Variants in FHIT observed in about 807,000 individuals in gnomAD.
The protein encoded by FHIT is fragile histidine triad diadenosine triphosphatase.
Under a neutral mutation model 17.9 loss-of-function variants are expected in FHIT, and 19 were observed. That is an observed-to-expected ratio of 1.06 (90% CI 0.74 to 1.56). The LOEUF is 1.56. Ranked by LOEUF, FHIT falls within the 40% of genes most tolerant of loss-of-function variation. The probability of loss-of-function intolerance (pLI) is 0.00; values close to 1 mark genes in which losing one functional copy is unlikely to be tolerated. For missense variants in FHIT, 248 were observed against 189.2 expected (o/e 1.31, Z -1.82); for synonymous variants, 81 against 69.7 (o/e 1.16, Z -0.81).
intron 5 of FHIT, among the ~76,000 whole-genome samples, chr3:60,294,376 CCCT>C (rs1369967149): frequency 6.6e-6 from 1 of 152,084 alleles, no homozygotes; most frequent in Non-Finnish European, 1.5e-5. Context: ...CATTTGAAAG[CCCT>C]CCAGAGGAAC....
At chr3:60,538,516 C>T (rs1351682839) in intron 4 of FHIT, among the ~76,000 whole-genome samples, 4 of 152,136 alleles carry the variant, frequency 2.6e-5, no homozygotes, top group Non-Finnish European at 5.9e-5. Flanking sequence ...AAGCTGGAGG[C>T]ATCATGCTAC....
At chr3:60,853,144 A>G (rs1481079676) in intron 3 of FHIT, among the ~76,000 whole-genome samples, 1 of 152,024 alleles carries the variant, frequency 6.6e-6, no homozygotes, top group Non-Finnish European at 1.5e-5. Context: ...GTTTTCCACA[A>G]AACTCCAACT....
At chr3:60,298,641 C>A (rs1708315613) in intron 5 of FHIT, among the ~76,000 whole-genome samples, 1 of 152,126 alleles carries the variant, frequency 6.6e-6, no homozygotes, top group Admixed American at 6.6e-5. Context: ...ACATTCTCTT[C>A]CTTTTATAGT....
intron 4 of FHIT, among the ~76,000 whole-genome samples, chr3:60,652,687 C>T (rs1404132293): frequency 1.4e-5 from 2 of 141,744 alleles, no homozygotes; most frequent in African/African-American, 5.4e-5. Flanking sequence ...GAGATTGTGC[C>T]ACTGCACTCC....
At chr3:59,846,231 TA>T (rs1183947009) in intron 8 of FHIT, among the ~76,000 whole-genome samples, 2 of 152,154 alleles carry the variant, frequency 1.3e-5, no homozygotes, top group Non-Finnish European at 2.9e-5. Context: ...ATGAAATGAT[TA>T]AATTCCTTTT....
intron 8 of FHIT, among the ~76,000 whole-genome samples, chr3:59,768,616 C>T (rs947245058): frequency 2.1e-4 from 31 of 148,788 alleles, no homozygotes; most frequent in African/African-American, 8.1e-4. Context: ...CTTTGACTTC[C>T]CAGACATCAA....
At chr3:60,398,924 T>C (rs1488993901) in intron 5 of FHIT, among the ~76,000 whole-genome samples, 1 of 152,146 alleles carries the variant, frequency 6.6e-6, no homozygotes, top group East Asian at 1.9e-4. Context: ...ACATGTAATC[T>C]TAAAAATAAG....
At chr3:60,427,243 G>A (rs1479888846) in intron 5 of FHIT, among the ~76,000 whole-genome samples, 1 of 152,112 alleles carries the variant, frequency 6.6e-6, no homozygotes, top group Non-Finnish European at 1.5e-5. Flanking sequence ...CAGCTTCTAG[G>A]AGCTGAGAAT....
intron 4 of FHIT, among the ~76,000 whole-genome samples, chr3:60,597,846 A>T (rs1466466747): frequency 6.6e-6 from 1 of 152,170 alleles, no homozygotes; most frequent in Non-Finnish European, 1.5e-5. Flanking sequence ...GAAGCTAAGC[A>T]GCTGAGAGAT....
intron 2 of FHIT, among the ~76,000 whole-genome samples, chr3:61,110,277 T>C (rs1484506200): frequency 6.6e-6 from 1 of 152,126 alleles, no homozygotes; most frequent in Non-Finnish European, 1.5e-5. Flanking sequence ...TATGTTTCCA[T>C]CCCAAGACCT....
At position 60,955,633 on chromosome 3, in the gene FHIT, T is replaced by TATATATATAC. The variant is rs1272864632; in HGVS notation, c.-111+86413_-111+86414insGTATATATAT. 4.2e-3 allele frequency among the ~76,000 whole-genome samples: 164 copies of TATATATATAC among 39,402 alleles called. 1 individual carries two copies. Among genetic ancestry groups the TATATATATAC allele is most frequent in the African/African-American group, 0.012 (153 of 12,344 alleles). 25.8% of individuals were successfully genotyped at this position (39,402 alleles called of 152,430 possible). On this transcript the variant is annotated intron_variant, in intron 3 of 9. Transcript: ENST00000492590. ...ATATATATATATATATATATATATA[T>TATATATATAC]ACACACACACACATATATACATGTG...
At chr3:59,777,286 C>G (rs1042269604) in intron 8 of FHIT, among the ~76,000 whole-genome samples, 1 of 152,084 alleles carries the variant, frequency 6.6e-6, no homozygotes, top group Admixed American at 6.6e-5. Flanking sequence ...TAGCCTGGAA[C>G]GTTTAATGAG....
At chr3:60,480,909 T>C (rs1270797875) in intron 5 of FHIT, among the ~76,000 whole-genome samples, 2 of 152,200 alleles carry the variant, frequency 1.3e-5, no homozygotes, top group Non-Finnish European at 2.9e-5. Context: ...GGTGGCCCTC[T>C]TCTCACAGCT....
chr3:59,759,360 G>A (rs1335362861), intron 8 of FHIT, among the ~76,000 whole-genome samples: 3 of 152,180 alleles, frequency 2.0e-5, no homozygotes, highest in Non-Finnish European at 4.4e-5. Flanking sequence ...GGGAGAAAGT[G>A]ATGGCAACAA....
intron 5 of FHIT, among the ~76,000 whole-genome samples, chr3:60,256,062 T>G (rs901461066): frequency 6.6e-6 from 1 of 152,162 alleles, no homozygotes; most frequent in Admixed American, 6.5e-5. Flanking sequence ...GGCCCACCTT[T>G]ATACCTATGT....
intron 8 of FHIT, among the ~76,000 whole-genome samples, chr3:59,762,589 T>C (rs1243620514): frequency 6.6e-6 from 1 of 152,186 alleles, no homozygotes; most frequent in Admixed American, 6.5e-5. Flanking sequence ...CTAGTGCTCT[T>C]CTGATCCACT....
intron 3 of FHIT, among the ~76,000 whole-genome samples, chr3:60,858,663 A>G (rs1703484468): frequency 6.6e-6 from 1 of 152,190 alleles, no homozygotes; most frequent in Non-Finnish European, 1.5e-5. Context: ...TAACTATCAC[A>G]TATGACACAA....
intron 5 of FHIT, among the ~76,000 whole-genome samples, chr3:60,239,952 C>A (rs1362829655): frequency 6.6e-6 from 1 of 152,130 alleles, no homozygotes; most frequent in East Asian, 1.9e-4. Flanking sequence ...CCCTAAGCCT[C>A]AGTTTCTCAC....
At chr3:60,106,891 T>G (rs1228920965) in intron 5 of FHIT, among the ~76,000 whole-genome samples, 1 of 152,202 alleles carries the variant, frequency 6.6e-6, no homozygotes, top group Non-Finnish European at 1.5e-5. Flanking sequence ...TCCTTTTTAA[T>G]TTGGCATCCC....
Sources: allele counts gnomAD v4.1 joint callset (sites outside exome capture counted in the v4.1 genomes callset), GRCh38; gene constraint gnomAD v4.1.1; transcripts MANE v1.5; gene names NCBI Gene and HGNC (gene_info 2026-07-23, HGNC 2026-07-21).